The following SORCS2 variants were observed in gnomAD, a reference collection of about 807,000 sequenced individuals.
SORCS2 encodes the protein VPS10 domain-containing receptor SorCS2.
A neutral mutation model predicts 141.6 loss-of-function variants in SORCS2; 100 were observed. The observed-to-expected ratio is 0.71, with a 90% CI of 0.60 to 0.83. SORCS2 has a LOEUF of 0.83. Ranked by LOEUF, SORCS2 falls within the 40% of genes least tolerant of loss-of-function variation. The pLI is 0.00. For synonymous variants in SORCS2, 789 were observed against 676.9 expected, an observed-to-expected ratio of 1.17 and a Z score of -2.57; for missense variants, 1,646 against 1,560.2, an observed-to-expected ratio of 1.05 and a Z score of -0.93.
intron 1 of SORCS2, among the ~76,000 whole-genome samples, chr4:7,394,030 C>T (rs569901231): frequency 2.6e-5 from 4 of 151,626 alleles, no homozygotes; most frequent in East Asian, 3.9e-4. Flanking sequence ...CCTTCCTGGG[C>T]GACCTCCTTG....
intron 1 of SORCS2, among the ~76,000 whole-genome samples, chr4:7,204,706 C>T (rs977567513): frequency 5.9e-5 from 9 of 152,278 alleles, no homozygotes; most frequent in African/African-American, 2.2e-4. Flanking sequence ...AAGGCTGCGT[C>T]GTGGGAGTCA....
chr4:7,353,190 G>A (rs1489267302), intron 1 of SORCS2, among the ~76,000 whole-genome samples: 3 of 152,198 alleles, frequency 2.0e-5, no homozygotes, highest in Non-Finnish European at 2.9e-5. Flanking sequence ...CGAGGGCAGG[G>A]CCATCCCTGC....
At chr4:7,502,397 G>A (rs143249631) in intron 2 of SORCS2, among the ~76,000 whole-genome samples, 18 of 152,292 alleles carry the variant, frequency 1.2e-4, no homozygotes. Context: ...GCTGGGCAGT[G>A]ATCTCTGTTC....
At chr4:7,553,856 T>G (rs540890814) in intron 3 of SORCS2, among the ~76,000 whole-genome samples, 1 of 152,310 alleles carries the variant, frequency 6.6e-6, no homozygotes, top group Non-Finnish European at 1.5e-5. Context: ...CCTTTCCTGA[T>G]ACAGAGGGAG....
At chr4:7,501,142 C>T (rs1258367196) in intron 2 of SORCS2, among the ~76,000 whole-genome samples, 1 of 152,224 alleles carries the variant, frequency 6.6e-6, no homozygotes, top group Non-Finnish European at 1.5e-5. Flanking sequence ...CCCTACCCCA[C>T]CAACTGCCTC....
chr4:7,239,513 C>G (rs1304137970), intron 1 of SORCS2, among the ~76,000 whole-genome samples: 4 of 152,204 alleles, frequency 2.6e-5, no homozygotes, highest in Admixed American at 1.3e-4. Context: ...AGACCCTTCC[C>G]TGGGTGAAAG....
At chr4:7,387,488 T>C (rs1408469541) in intron 1 of SORCS2, among the ~76,000 whole-genome samples, 233 of 55,500 alleles carry the variant, frequency 4.2e-3, no homozygotes, top group African/African-American at 0.023. Context: ...TGCACATACA[T>C]ACACATGCAC....
chr4:7,731,438 A>G (rs1711672189), intron 23 of SORCS2, among the ~76,000 whole-genome samples: 3 of 152,186 alleles, frequency 2.0e-5, no homozygotes, highest in Admixed American at 1.3e-4. Flanking sequence ...AATTTCAATG[A>G]TGTTTTTCAC....
At chr4:7,427,071 C>T (rs1313960719) in intron 2 of SORCS2, among the ~76,000 whole-genome samples, 2 of 152,094 alleles carry the variant, frequency 1.3e-5, no homozygotes, top group African/African-American at 2.4e-5. Context: ...CTGCCTTGGG[C>T]CACGGCCTCC....
chr4:7,682,712 G>A lies in SORCS2; in HGVS notation c.1342-31G>A, dbSNP rs560598314. Reference sequence around the variant, plus strand: ...TGGTCATCAGAGTGCTCCAGTGTAAGTTTACAGTCCTTCTTTTATTTTTGT... The same window carrying A: ...TGGTCATCAGAGTGCTCCAGTGTAAATTTACAGTCCTTCTTTTATTTTTGT... On this transcript the variant is annotated intron_variant, in intron 9 of 26. Coordinates refer to ENST00000507866, the MANE Select transcript of SORCS2 (RefSeq NM_020777.3). 679 of 1,588,470 alleles carry A rather than the reference G, an allele frequency of 4.3e-4. 4 individuals are homozygous for A. Among genetic ancestry groups the A allele is most frequent in the Non-Finnish European group, 2.8e-5 (33 of 1,167,042 alleles).
intron 1 of SORCS2, among the ~76,000 whole-genome samples, chr4:7,320,594 A>G (rs982157580): frequency 2.0e-5 from 3 of 152,258 alleles, no homozygotes; most frequent in Admixed American, 2.0e-4. Context: ...TAGAAACACA[A>G]ACACAGCCAC....
intron 3 of SORCS2, among the ~76,000 whole-genome samples, chr4:7,637,316 C>T (rs1348140958): frequency 6.7e-5 from 3 of 44,960 alleles, no homozygotes; most frequent in Non-Finnish European, 1.2e-4. Flanking sequence ...GCACCTCGGG[C>T]CTGCCCTGAG....
intron 2 of SORCS2, among the ~76,000 whole-genome samples, chr4:7,483,031 A>G (rs1039115909): frequency 2.6e-5 from 4 of 152,166 alleles, no homozygotes; most frequent in African/African-American, 9.7e-5. Flanking sequence ...CTTATGAAAA[A>G]AAGGAGAGGC....
intron 14 of SORCS2, among the ~76,000 whole-genome samples, chr4:7,708,153 C>T (rs12500759): frequency 0.25 from 38,360 of 152,148 alleles, 5,169 homozygotes; most frequent in East Asian, 0.34. Context: ...TCCACGAGGT[C>T]GCCGCAAATG....
At chr4:7,374,112 TTTCTTTCTTTCTTTCCCTC>T (rs1159100313) in intron 1 of SORCS2, among the ~76,000 whole-genome samples, 2 of 35,940 alleles carry the variant, frequency 5.6e-5, no homozygotes, top group African/African-American at 1.3e-4. Context: ...ATTGAGATTC[TTTCTTTCTTTCTTTCCCTC>T]TTTCTTTCTT....
At chr4:7,207,666 C>T (rs1221550783) in intron 1 of SORCS2, among the ~76,000 whole-genome samples, 1 of 152,214 alleles carries the variant, frequency 6.6e-6, no homozygotes, top group East Asian at 1.9e-4. Context: ...GGGAAGACTG[C>T]ACTGTTGTCC....
At chr4:7,702,272 A>AG in intron 12 of SORCS2, among the ~76,000 whole-genome samples, 1 of 151,912 alleles carries the variant, frequency 6.6e-6, no homozygotes, top group African/African-American at 2.4e-5. Context: ...ACTTTCGAGG[A>AG]GGGGCGGTAT....
intron 1 of SORCS2, among the ~76,000 whole-genome samples, chr4:7,327,203 G>T (rs1719321437): frequency 6.6e-6 from 1 of 152,224 alleles, no homozygotes; most frequent in African/African-American, 2.4e-5. Context: ...CTGTTCTGGA[G>T]GCAGAGGTCT....
In SORCS2 at chr4:7,557,608, A is replaced by C. The variant is rs1260211639; in HGVS notation, c.648+25979A>C. ...TTATCATAGTGATCATCACTGATTC[A>C]TCCAATGAGTTTTTACCCAGGGCTT... On this transcript the variant is annotated intron_variant, in intron 3 of 26. Transcript: ENST00000507866. Among the ~76,000 whole-genome samples the C allele has an allele frequency of 2.0e-5, 3 of 152,218 alleles. No homozygotes were observed. The East Asian group carries it at 5.8e-4, about 29-fold the overall frequency.
Sources: gnomAD v4.1 joint callset for allele counts (sites outside exome capture counted in the v4.1 genomes callset) on GRCh38, gnomAD v4.1.1 for gene constraint, MANE v1.5 for transcripts, NCBI Gene and HGNC (gene_info 2026-07-23, HGNC 2026-07-21) for gene names.